Variants in KCNG2 observed in about 807,000 individuals in gnomAD.
The protein encoded by KCNG2 is voltage-gated potassium channel regulatory subunit KCNG2.
KCNG2 carries 7 observed loss-of-function variants against 12.3 expected under a neutral mutation model. The observed-to-expected ratio is 0.57, with a 90% CI of 0.32 to 1.07. KCNG2 has a LOEUF of 1.07. Ranked by LOEUF, KCNG2 falls within the 50% of genes least tolerant of loss-of-function variation. The pLI, the probability that KCNG2 is intolerant of heterozygous loss-of-function variation, is 0.04. For synonymous variants in KCNG2, 414 were observed against 351.4 expected (o/e 1.18, Z -1.99); for missense variants, 703 against 726.0 (o/e 0.97, Z 0.36).
At position 79,800,875 on chromosome 18, in the gene KCNG2, G is replaced by A. The variant is rs2087404314; in HGVS notation, c.-115+2861G>A. On this transcript the variant is annotated intron_variant, in intron 1 of 3. Coordinates refer to ENST00000316249, the MANE Select transcript of KCNG2 (RefSeq NM_012283.2). This position sits in a 1 kb window ranked among gnomAD's most constrained non-coding sequence, Gnocchi z 4.0. ...CAAAATGGGTCCCCGGCGGGGCCAG[G>A]AGAACACCCAGACTCATGGAATTGC... 2.0e-5 allele frequency among the ~76,000 whole-genome samples: 3 copies of A among 152,248 alleles called. No homozygotes were observed. The highest frequency in any genetic ancestry group is 2.0e-4 in the Admixed American group (3 of 15,292).
At chr18:79,883,390 G>C (rs968515434) in intron 3 of KCNG2, among the ~76,000 whole-genome samples, 1 of 152,258 alleles carries the variant, frequency 6.6e-6, no homozygotes, top group Non-Finnish European at 1.5e-5. Flanking sequence ...TCTGATGAGC[G>C]AGCAGGTCCT....
Position 79,899,696 on chromosome 18 carries a change from G to T in KCNG2, c.1281G>T (p.Pro427=), listed in dbSNP as rs577587970. 1.2e-6 allele frequency: 2 copies of T among 1,607,304 alleles called. No individual in the cohort carries two copies. Among genetic ancestry groups the T allele is most frequent in the South Asian group, 1.1e-5 (1 of 89,972 alleles). The change falls in exon 4 of 4, where the codon CCG becomes CCT. Residue 427 remains proline, a synonymous_variant. Transcript: ENST00000316249. Reference sequence around the variant, plus strand: ...AGCAGCGCGCGGCCAGCCCCGAGCCGGCCCTGCAGGAGGACAGCACGCACT... The same window carrying T: ...AGCAGCGCGCGGCCAGCCCCGAGCCTGCCCTGCAGGAGGACAGCACGCACT... ...EQQQRAASPE[P]ALQEDSTHSA...
intron 2 of KCNG2, among the ~76,000 whole-genome samples, chr18:79,858,314 A>G (rs930083894): frequency 7.2e-5 from 11 of 152,236 alleles, no homozygotes; most frequent in Non-Finnish European, 2.9e-5. Flanking sequence ...GACATTTTAT[A>G]TAAACGGATT....
At chr18:79,811,466 A>G (rs938870598) in intron 1 of KCNG2, among the ~76,000 whole-genome samples, 5 of 152,254 alleles carry the variant, frequency 3.3e-5, no homozygotes. Flanking sequence ...AGACCATGCA[A>G]TGGAGAAAGA....
At chr18:79,828,555 CTA>C (rs1568248375) in intron 1 of KCNG2, among the ~76,000 whole-genome samples, 4 of 149,816 alleles carry the variant, frequency 2.7e-5, no homozygotes. Context: ...ATCTGTGTGT[CTA>C]TCTGTGTGCA....
At chr18:79,870,258 G>T (rs1979778702) in intron 3 of KCNG2, among the ~76,000 whole-genome samples, 1 of 152,272 alleles carries the variant, frequency 6.6e-6, no homozygotes, top group Admixed American at 6.5e-5. Context: ...GGGCCCTAAT[G>T]GCTGCGGAAT....
At chr18:79,868,091 C>G (rs1339914177) in intron 3 of KCNG2, among the ~76,000 whole-genome samples, 3 of 152,098 alleles carry the variant, frequency 2.0e-5, no homozygotes, top group Non-Finnish European at 2.9e-5. Context: ...TGTCCTCGGT[C>G]GAATATCCAG....
In KCNG2 at chr18:79,863,665, C is replaced by T. The variant is rs1440551000; in HGVS notation, c.-3C>T. On this transcript the variant is annotated 5_prime_UTR_variant, in exon 3 of 4. Coordinates refer to ENST00000316249, the MANE Select transcript of KCNG2 (RefSeq NM_012283.2). ...AGCCCCTCGGTCCGGTCCGGCCCTG[C>T]GCATGGAGCCATGGCCCTGCTCCCC... The T allele has an allele frequency of 8.3e-6, 10 of 1,209,744 alleles. No individual in the cohort carries two copies. The highest frequency in any genetic ancestry group is 3.4e-5 in the East Asian group (1 of 29,344). 74.9% of individuals were successfully genotyped at this position (1,209,744 alleles called of 1,614,324 possible).
At chr18:79,895,132 T>C (rs1208784254) in intron 3 of KCNG2, among the ~76,000 whole-genome samples, 1 of 151,988 alleles carries the variant, frequency 6.6e-6, no homozygotes, top group Non-Finnish European at 1.5e-5. Flanking sequence ...CATTCACATC[T>C]AATGGTACAA....
At position 79,863,896 on chromosome 18, in the gene KCNG2, G is replaced by A; in HGVS notation, c.229G>A (p.Ala77Thr). The change falls in exon 3 of 4, where the codon GCC (alanine) becomes ACC (threonine). Residue 77 changes from alanine to threonine, a missense_variant. Physicochemically the swap from Ala to Thr is moderately conservative, Grantham distance 58. Coordinates refer to ENST00000316249, the MANE Select transcript of KCNG2 (RefSeq NM_012283.2). ...DEFFFDRSPC[A>T]FRAIVALLRA... ...GTTCTTCTTCGACCGCAGCCCGTGC[G>A]CCTTCCGCGCCATCGTGGCGCTTTT... 2.8e-6 allele frequency: 4 copies of A among 1,446,378 alleles called. No individual in the cohort carries two copies. The highest frequency in any genetic ancestry group is 9.1e-7 in the Non-Finnish European group (1 of 1,095,892). The allele number at this position is 1,446,378 out of a possible 1,614,324, so 89.6% of individuals were successfully genotyped here.
intron 1 of KCNG2, among the ~76,000 whole-genome samples, chr18:79,829,140 G>A (rs1490139631): frequency 2.1e-5 from 3 of 142,946 alleles, no homozygotes; most frequent in African/African-American, 7.9e-5. Context: ...GTGTCTGTGT[G>A]TGGGTGTCTA....
chr18:79,815,428 T>G, intron 1 of KCNG2, among the ~76,000 whole-genome samples: 2 of 131,246 alleles, frequency 1.5e-5, no homozygotes, highest in Admixed American at 8.3e-5. Context: ...GATGACAGAG[T>G]GAAACCCTGC....
At position 79,863,597 on chromosome 18, in the gene KCNG2, G is replaced by A. The variant is rs371395560; in HGVS notation, c.-40-31G>A. 1.5e-5 allele frequency: 17 copies of A among 1,168,834 alleles called. No individual in the cohort carries two copies. The African/African-American group carries it at 1.9e-4, about 13-fold the overall frequency. The allele number at this position is 1,168,834 out of a possible 1,614,324, so 72.4% of individuals were successfully genotyped here. A position where few individuals can be genotyped will look rare whatever the true frequency, so the allele number is the denominator to read the frequency against. On this transcript the variant is annotated intron_variant, in intron 2 of 3. Coordinates refer to ENST00000316249, the MANE Select transcript of KCNG2 (RefSeq NM_012283.2). ...GACGCGCTCCCCCAGCTCAGCCCTC[G>A]CGACCCTAACGCGGTCCGTTCCTTT...
intron 3 of KCNG2, among the ~76,000 whole-genome samples, chr18:79,869,081 G>A (rs1261347577): frequency 2.0e-5 from 3 of 152,156 alleles, no homozygotes; most frequent in African/African-American, 4.8e-5. Context: ...GGAGCCGTGA[G>A]CACCCCTACA....
intron 3 of KCNG2, among the ~76,000 whole-genome samples, chr18:79,897,130 GTTT>G (rs35142950): frequency 6.7e-5 from 10 of 150,134 alleles, no homozygotes; most frequent in Non-Finnish European, 1.2e-4. Flanking sequence ...TTAAAAAATT[GTTT>G]TTTTTTTCAG....
chr18:79,826,147 C>T (rs1978285643), intron 1 of KCNG2, among the ~76,000 whole-genome samples: 1 of 152,250 alleles, frequency 6.6e-6, no homozygotes, highest in Non-Finnish European at 1.5e-5. Context: ...GCTCTGTGGC[C>T]GTTGGCAAGG....
At position 79,900,031 on chromosome 18, in the gene KCNG2, G is replaced by C. The variant is rs72982245; in HGVS notation, c.*215G>C. 5.6e-3 allele frequency: 2,092 copies of C among 375,570 alleles called. 17 individuals carry two copies. The highest frequency in any genetic ancestry group is 7.7e-3 in the Non-Finnish European group (1,651 of 213,246). The allele number at this position is 375,570 out of a possible 1,614,324, so 23.3% of individuals were successfully genotyped here. A position where few individuals can be genotyped will look rare whatever the true frequency, so the allele number is the denominator to read the frequency against. ...CAAAGTCACTGGCCTTTGTCCTCCT[G>C]CCCCACCCCTTTCCTTGGATTTTTA... On this transcript the variant is annotated 3_prime_UTR_variant, in exon 4 of 4. Coordinates refer to ENST00000316249, the MANE Select transcript of KCNG2 (RefSeq NM_012283.2).
At chr18:79,887,686 C>T (rs1418859502) in intron 3 of KCNG2, among the ~76,000 whole-genome samples, 1 of 152,178 alleles carries the variant, frequency 6.6e-6, no homozygotes, top group Non-Finnish European at 1.5e-5. Context: ...AGCGCCTAGG[C>T]CCCTGAGCTC....
At chr18:79,866,553 G>A (rs1979565224) in intron 3 of KCNG2, among the ~76,000 whole-genome samples, 1 of 142,996 alleles carries the variant, frequency 7.0e-6, no homozygotes, top group Admixed American at 7.0e-5. Context: ...TCTGTTTTGT[G>A]AGAGGTCTGG....
Sources: allele counts gnomAD v4.1 joint callset (sites outside exome capture counted in the v4.1 genomes callset), GRCh38; gene constraint gnomAD v4.1.1; non-coding constraint Gnocchi (gnomAD v3.1); transcripts MANE v1.5; gene names NCBI Gene and HGNC (gene_info 2026-07-23, HGNC 2026-07-21).